Variants in SYNC observed in about 807,000 individuals in gnomAD.
SYNC encodes the protein syncoilin.
SYNC carries 38 observed loss-of-function variants against 49.5 expected under a neutral mutation model. That is an observed-to-expected ratio of 0.77 (90% CI 0.59 to 1.01). SYNC has a LOEUF of 1.01. SYNC is among the 50% of genes least tolerant of loss of function. The pLI is 0.00. For missense variants in SYNC, 579 were observed against 580.6 expected, an observed-to-expected ratio of 1.00 and a Z score of 0.03; for synonymous variants, 201 against 230.8, an observed-to-expected ratio of 0.87 and a Z score of 1.17.
chr1:32,694,801 G>A, intron 2 of SYNC, 64 bp downstream of exon 2: 1 of 1,452,936 alleles, frequency 6.9e-7, no homozygotes, highest in South Asian at 1.4e-5. Context: ...CAAAGACCTT[G>A]GACTCTGGCC....
At chr1:32,696,118 T>A in intron 1 of SYNC, 74 bp from the exon 2 acceptor site, 1 of 1,298,084 alleles carries the variant, frequency 7.7e-7, no homozygotes, top group African/African-American at 1.5e-5. Flanking sequence ...CCAGCAGCCA[T>A]GGGCCTAGAC....
chr1:32,680,000 T>C lies in SYNC; in HGVS notation c.*1850A>G, dbSNP rs1649321473. ...TGTGATTATTTTTCTTCTTATGCTA[T>C]ATCCCCAAGTTTTTCAGACTCATTT... On this transcript the variant is annotated 3_prime_UTR_variant, in exon 5 of 5. Coordinates refer to ENST00000409190, the MANE Select transcript of SYNC (RefSeq NM_030786.3). 11 of 1,156,450 alleles carry C rather than the reference T, an allele frequency of 9.5e-6. No homozygotes were observed. The highest frequency in any genetic ancestry group is 1.2e-5 in the Non-Finnish European group (11 of 939,838). 71.6% of individuals were successfully genotyped at this position (1,156,450 alleles called of 1,614,324 possible).
At chr1:32,687,039 T>C (rs572188070) in intron 2 of SYNC, among the ~76,000 whole-genome samples, 42 of 152,280 alleles carry the variant, frequency 2.8e-4, no homozygotes, top group African/African-American at 9.6e-4. Context: ...GAGAAAACTT[T>C]AGTTTTGGAA....
Position 32,702,747 on chromosome 1 carries a change from C to A in SYNC, c.-87G>T. Reference sequence around the variant, plus strand: ...CCGGCGCCCGCGCCCGCCGCACTGCCAGCTGCAACCGACACCGGATCCCGG... The same window carrying A: ...CCGGCGCCCGCGCCCGCCGCACTGCAAGCTGCAACCGACACCGGATCCCGG... On this transcript the variant is annotated 5_prime_UTR_variant, in exon 1 of 5. Coordinates refer to ENST00000409190, the MANE Select transcript of SYNC (RefSeq NM_030786.3). The surrounding 1 kb of genome is among the most constrained non-coding windows in gnomAD (Gnocchi z 6.2). 9.6e-7 allele frequency: 1 copy of A among 1,036,782 alleles called. No individual in the cohort carries two copies. 64.2% of individuals were successfully genotyped at this position (1,036,782 alleles called of 1,614,324 possible).
intron 1 of SYNC, among the ~76,000 whole-genome samples, chr1:32,699,454 C>G (rs1188888948): frequency 1.3e-5 from 2 of 151,894 alleles, no homozygotes; most frequent in Admixed American, 1.3e-4. Flanking sequence ...TGCGCCTGGC[C>G]AAAAAGTGAC....
chr1:32,680,154 C>T lies in SYNC; in HGVS notation c.*1696G>A. 1 of 1,076,300 alleles carries T rather than the reference C, an allele frequency of 9.3e-7. No homozygotes were observed. Among genetic ancestry groups the T allele is most frequent in the Non-Finnish European group, 1.1e-6 (1 of 891,578 alleles). The allele number at this position is 1,076,300 out of a possible 1,614,324, so 66.7% of individuals were successfully genotyped here. A position where few individuals can be genotyped will look rare whatever the true frequency, so the allele number is the denominator to read the frequency against. ...GAGATTCAAGTCATATAGATTCCTACTCGAAAATCTTGACACCTGACTTTC... is the reference window on the plus strand; with the variant it reads ...GAGATTCAAGTCATATAGATTCCTATTCGAAAATCTTGACACCTGACTTTC... On this transcript the variant is annotated 3_prime_UTR_variant, in exon 5 of 5. Coordinates refer to ENST00000409190, the MANE Select transcript of SYNC (RefSeq NM_030786.3).
chr1:32,683,196 C>G (rs186787466), intron 4 of SYNC: 1 of 145,650 alleles, frequency 6.9e-6, no homozygotes, highest in Admixed American at 7.2e-5. Flanking sequence ...GCAGGGGAAT[C>G]GCTTGAACCC....
At chr1:32,701,921 G>A (rs750095806) in intron 1 of SYNC, among the ~76,000 whole-genome samples, 1 of 152,152 alleles carries the variant, frequency 6.6e-6, no homozygotes, top group Non-Finnish European at 1.5e-5. Context: ...GTGTAAGACC[G>A]CTCAGCTTTG....
intron 1 of SYNC, among the ~76,000 whole-genome samples, chr1:32,701,561 G>A (rs1194801006): frequency 6.6e-6 from 1 of 152,214 alleles, no homozygotes. Context: ...CCTCCAAGCT[G>A]TGCTGTTAGC....
At position 32,689,528 on chromosome 1, in the gene SYNC, A is replaced by G. The variant is rs376952114; in HGVS notation, c.1234-5146T>C. On this transcript the variant is annotated intron_variant, in intron 2 of 4. Transcript: ENST00000409190. ...TATTTCTAATTGCTATTGCCAGCAC[A>G]TAGCTCACTGCCTGGCCCACAGTAA... Among the ~76,000 whole-genome samples, 28 of 152,062 alleles carry G rather than the reference A, an allele frequency of 1.8e-4. No homozygotes were observed. The South Asian group carries it at 5.8e-3, about 32-fold the overall frequency.
intron 2 of SYNC, among the ~76,000 whole-genome samples, chr1:32,693,777 C>T (rs952002528): frequency 7.9e-5 from 12 of 152,162 alleles, no homozygotes; most frequent in African/African-American, 2.9e-4. Flanking sequence ...TCAGAAATAA[C>T]TTGAATGCAA....
chr1:32,689,668 C>T (rs1041078834), intron 2 of SYNC, among the ~76,000 whole-genome samples: 1 of 152,104 alleles, frequency 6.6e-6, no homozygotes, highest in South Asian at 2.1e-4. Flanking sequence ...ATGGGCCGGG[C>T]GTGGTGGCTC....
intron 1 of SYNC, among the ~76,000 whole-genome samples, chr1:32,701,603 TGGTGCCA>T (rs1466560657): frequency 6.6e-6 from 1 of 152,132 alleles, no homozygotes; most frequent in East Asian, 1.9e-4. Flanking sequence ...ACCCCACCCA[TGGTGCCA>T]GGCCTCTGCT....
chr1:32,681,904 G>A lies in SYNC; in HGVS notation c.1439-44C>T, dbSNP rs188388291. The A allele has an allele frequency of 5.8e-6, 9 of 1,543,610 alleles. No homozygotes were observed. In the African/African-American group the frequency reaches 1.2e-4, roughly 21 times the overall value. On this transcript the variant is annotated intron_variant, in intron 4 of 4. Transcript: ENST00000409190. The stretch of plus-strand genomic sequence containing the variant: ...AAGTTTATAACAGTGAACTTCTGAG[G>A]TTTAGTTACTGCAGGCTTTGTTGAG...
intron 2 of SYNC, among the ~76,000 whole-genome samples, chr1:32,687,861 A>T (rs867905950): frequency 8.9e-5 from 13 of 146,446 alleles, no homozygotes; most frequent in African/African-American, 2.5e-4. Flanking sequence ...TATTATTATT[A>T]TTTTTTGAGA....
chr1:32,684,295 G>A lies in SYNC; in HGVS notation c.1321C>T (p.Leu441=). ...AGCTCTTCAGCAAGACTGAGCCTTAGCTGTTCCATCTCTTTGTTCTTCTGT... is the reference window on the plus strand; with the variant it reads ...AGCTCTTCAGCAAGACTGAGCCTTAACTGTTCCATCTCTTTGTTCTTCTGT... ...QQQKNKEMEQ[L]RLSLAEELST... Residue 441 remains leucine (L), a synonymous_variant, in exon 3 of 5, where the codon CTA becomes TTA. Coordinates refer to ENST00000409190, the MANE Select transcript of SYNC (RefSeq NM_030786.3). The A allele has an allele frequency of 6.2e-7, 1 of 1,614,186 alleles. No individual in the cohort carries two copies. Among genetic ancestry groups the A allele is most frequent in the South Asian group, 1.1e-5 (1 of 91,086 alleles).
At chr1:32,686,896 T>C (rs1197335671) in intron 2 of SYNC, among the ~76,000 whole-genome samples, 2 of 152,218 alleles carry the variant, frequency 1.3e-5, no homozygotes, top group Admixed American at 6.5e-5. Context: ...CTCAAACTTT[T>C]CTGTGCAACC....
At chr1:32,691,855 C>T (rs1018917358) in intron 2 of SYNC, among the ~76,000 whole-genome samples, 1 of 152,144 alleles carries the variant, frequency 6.6e-6, no homozygotes, top group African/African-American at 2.4e-5. Flanking sequence ...CAGCACTGGT[C>T]TAGATTCTCC....
intron 2 of SYNC, among the ~76,000 whole-genome samples, chr1:32,691,501 C>T (rs751254923): frequency 2.5e-4 from 37 of 149,882 alleles, no homozygotes; most frequent in Non-Finnish European, 2.5e-4. Flanking sequence ...TGCAGCAAGG[C>T]GAGATCGTGC....
Sources: gnomAD v4.1 joint callset for allele counts (sites outside exome capture counted in the v4.1 genomes callset) on GRCh38, gnomAD v4.1.1 for gene constraint, Gnocchi (gnomAD v3.1) non-coding constraint, MANE v1.5 for transcripts, NCBI Gene and HGNC (gene_info 2026-07-23, HGNC 2026-07-21) for gene names.